Variants in SAMD5 observed in about 807,000 individuals in gnomAD.
SAMD5 encodes the protein sterile alpha motif domain-containing protein 5.
A neutral mutation model predicts 11.3 loss-of-function variants in SAMD5; 13 were observed. That is an observed-to-expected ratio of 1.15 (90% CI 0.75 to 1.83). SAMD5 has a LOEUF of 1.83. Among genes scored for constraint, SAMD5 ranks in the 40% most tolerant of loss-of-function variants. The pLI, the probability that SAMD5 is intolerant of heterozygous loss-of-function variation, is 0.00. For missense variants in SAMD5, 255 were observed against 239.1 expected (o/e 1.07, Z -0.44); for synonymous variants, 129 against 111.3 (o/e 1.16, Z -1.00).
At chr6:147,675,541 A>G (rs1266971705) in intron 1 of SAMD5, among the ~76,000 whole-genome samples, 1 of 152,162 alleles carries the variant, frequency 6.6e-6, no homozygotes, top group East Asian at 1.9e-4. Context: ...CTTTTTTATG[A>G]ATCATTTTAA....
At chr6:147,626,137 G>A (rs1277503278) in intron 1 of SAMD5, among the ~76,000 whole-genome samples, 1 of 152,020 alleles carries the variant, frequency 6.6e-6, no homozygotes, top group Non-Finnish European at 1.5e-5. Flanking sequence ...TATGATGGGT[G>A]GAGTTGCAGC....
intron 1 of SAMD5, among the ~76,000 whole-genome samples, chr6:147,714,293 T>C (rs1398213579): frequency 3.9e-5 from 6 of 152,212 alleles, no homozygotes; most frequent in Admixed American, 3.9e-4. Context: ...ACTTTCTGAC[T>C]TAGTCATGAG....
chr6:147,644,551 A>G (rs967537902), intron 1 of SAMD5, among the ~76,000 whole-genome samples: 1 of 152,214 alleles, frequency 6.6e-6, no homozygotes, highest in Non-Finnish European at 1.5e-5. Context: ...TATTAAGGAA[A>G]AAGTTTTTTC....
At chr6:147,850,947 CTTT>C in the SAMD5 span, among the ~76,000 whole-genome samples, 14 of 133,440 alleles carry the variant, frequency 1.0e-4, no homozygotes, top group Admixed American at 2.3e-4. Context: ...TATAATTGTT[CTTT>C]TTTTTTTTTT....
At chr6:147,790,746 C>T in the SAMD5 span, among the ~76,000 whole-genome samples, 3 of 103,356 alleles carry the variant, frequency 2.9e-5, no homozygotes, top group African/African-American at 1.4e-4. Context: ...CTCTCTCTCT[C>T]TCTCTCTCTT....
At chr6:147,628,233 A>T (rs1790087389) in intron 1 of SAMD5, among the ~76,000 whole-genome samples, 1 of 152,194 alleles carries the variant, frequency 6.6e-6, no homozygotes, top group Non-Finnish European at 1.5e-5. Flanking sequence ...GAGATAAATG[A>T]ATTACAATCT....
the SAMD5 span, among the ~76,000 whole-genome samples, chr6:147,758,597 A>C: frequency 1.3e-5 from 2 of 152,222 alleles, no homozygotes; most frequent in Non-Finnish European, 2.9e-5. Flanking sequence ...TTTTCTTGCC[A>C]CTGGCTTTCT....
chr6:147,710,821 C>CT (rs397824807), intron 1 of SAMD5, among the ~76,000 whole-genome samples: 1 of 151,574 alleles, frequency 6.6e-6, no homozygotes, highest in African/African-American at 2.4e-5. Flanking sequence ...ATGTATCCCC[C>CT]CTGGATAAGG....
the SAMD5 span, among the ~76,000 whole-genome samples, chr6:147,786,041 G>A: frequency 1.3e-5 from 2 of 152,234 alleles, no homozygotes; most frequent in East Asian, 3.9e-4. Context: ...TGTAATTACA[G>A]CAGGAAGGCA....
intron 1 of SAMD5, among the ~76,000 whole-genome samples, chr6:147,509,751 A>C (rs1788059325): frequency 6.6e-6 from 1 of 152,176 alleles, no homozygotes; most frequent in Non-Finnish European, 1.5e-5. Context: ...ACCAGAAAAA[A>C]TGGTTAATAC....
the SAMD5 span, among the ~76,000 whole-genome samples, chr6:147,864,134 G>A: frequency 1.3e-5 from 2 of 152,032 alleles, no homozygotes; most frequent in Non-Finnish European, 2.9e-5. Context: ...GAGCCACCAC[G>A]TCCAGCTGGA....
At chr6:147,693,584 A>G (rs1276053004) in intron 1 of SAMD5, among the ~76,000 whole-genome samples, 4 of 152,260 alleles carry the variant, frequency 2.6e-5, no homozygotes, top group Non-Finnish European at 5.9e-5. Flanking sequence ...CAATAAGGCC[A>G]CAGTTCCTGC....
chr6:147,619,691 T>C (rs1327282913), intron 1 of SAMD5, among the ~76,000 whole-genome samples: 9 of 152,112 alleles, frequency 5.9e-5, no homozygotes, highest in Non-Finnish European at 1.2e-4. Flanking sequence ...AGGGGAAAGG[T>C]GTTAGCAGTA....
intron 1 of SAMD5, among the ~76,000 whole-genome samples, chr6:147,701,573 G>T (rs573241885): frequency 6.6e-6 from 1 of 151,568 alleles, no homozygotes; most frequent in Non-Finnish European, 1.5e-5. Context: ...GGTGGAGGTT[G>T]CAGTGAGCCA....
At chr6:147,683,343 A>G (rs1271715429) in intron 1 of SAMD5, among the ~76,000 whole-genome samples, 1 of 152,234 alleles carries the variant, frequency 6.6e-6, no homozygotes, top group Non-Finnish European at 1.5e-5. Flanking sequence ...TTTTGGTCTC[A>G]GGACCCTTTT....
chr6:147,896,230 T>C, the SAMD5 span, among the ~76,000 whole-genome samples: 7 of 152,136 alleles, frequency 4.6e-5, no homozygotes, highest in Non-Finnish European at 7.3e-5. Flanking sequence ...TTGAACACAT[T>C]GTGTGGTGGG....
chr6:147,789,938 T>C, the SAMD5 span, among the ~76,000 whole-genome samples: 32,439 of 152,148 alleles, frequency 0.21, 4,042 homozygotes, highest in African/African-American at 0.34. Context: ...CTGACGATAC[T>C]AATCATTGCC....
At chr6:147,582,568 G>A (rs991377979) in intron 1 of SAMD5, among the ~76,000 whole-genome samples, 8 of 152,194 alleles carry the variant, frequency 5.3e-5, no homozygotes, top group African/African-American at 1.9e-4. Context: ...TGGGGCTTTA[G>A]GAAAGCCGAC....
At position 147,568,847 on chromosome 6, in the gene SAMD5, A is replaced by G. The variant is rs1789085336; in HGVS notation, c.*4391A>G. ...TTAATCTCTGAGGACATAAAATCAAATAACTTTCTAGTCCATGATCATTAA... is the reference window on the plus strand; with the variant it reads ...TTAATCTCTGAGGACATAAAATCAAGTAACTTTCTAGTCCATGATCATTAA... On this transcript the variant is annotated 3_prime_UTR_variant, in exon 2 of 2. Coordinates refer to ENST00000367474, the MANE Select transcript of SAMD5 (RefSeq NM_001030060.3). 1 of 953,028 alleles carries G rather than the reference A, an allele frequency of 1.0e-6. No individual in the cohort carries two copies. Among genetic ancestry groups the G allele is most frequent in the East Asian group, 1.2e-4 (1 of 8,686 alleles). The allele number at this position is 953,028 out of a possible 1,614,324, so 59.0% of individuals were successfully genotyped here.
Sources: allele counts gnomAD v4.1 joint callset (sites outside exome capture counted in the v4.1 genomes callset), GRCh38; gene constraint gnomAD v4.1.1; transcripts MANE v1.5; gene names NCBI Gene and HGNC (gene_info 2026-07-23, HGNC 2026-07-21).